The following ADAMTS12 variants were observed in gnomAD, a reference collection of about 807,000 sequenced individuals.
ADAMTS12 encodes ADAM metallopeptidase with thrombospondin type 1 motif 12.
In ADAMTS12, 118 loss-of-function variants were observed where a neutral mutation model predicts 167.8. The ratio of observed to expected loss-of-function variants is 0.70; its 90% confidence interval spans 0.61 to 0.82. The LOEUF is 0.82. Ranked by LOEUF, ADAMTS12 falls within the 40% of genes least tolerant of loss-of-function variation. The pLI is 0.00. For synonymous variants in ADAMTS12, 704 were observed against 716.9 expected (o/e 0.98, Z 0.29); for missense variants, 1,916 against 1,998.8 (o/e 0.96, Z 0.79).
chr5:33,753,494 G>T (rs1745070826), intron 2 of ADAMTS12, among the ~76,000 whole-genome samples: 1 of 152,204 alleles, frequency 6.6e-6, no homozygotes, highest in African/African-American at 2.4e-5. Flanking sequence ...AAGCTCATTT[G>T]TTCTATGGAA....
At chr5:33,679,406 G>A (rs1166201629) in intron 5 of ADAMTS12, among the ~76,000 whole-genome samples, 2 of 152,096 alleles carry the variant, frequency 1.3e-5, no homozygotes, top group Non-Finnish European at 2.9e-5. Context: ...TACAATCATG[G>A]TGGAAGGTGA....
intron 3 of ADAMTS12, among the ~76,000 whole-genome samples, chr5:33,724,613 G>T (rs534743706): frequency 6.6e-6 from 1 of 150,408 alleles, no homozygotes; most frequent in Non-Finnish European, 1.5e-5. Context: ...CTGCAGCGGC[G>T]CTATCTCGGC....
intron 2 of ADAMTS12, among the ~76,000 whole-genome samples, chr5:33,763,820 C>G (rs973429584): frequency 6.6e-6 from 1 of 152,200 alleles, no homozygotes; most frequent in East Asian, 1.9e-4. Context: ...GTTCCAGATG[C>G]AACACTACTG....
chr5:33,769,126 G>A (rs1308262090), intron 2 of ADAMTS12, among the ~76,000 whole-genome samples: 1 of 152,010 alleles, frequency 6.6e-6, no homozygotes, highest in Non-Finnish European at 1.5e-5. Flanking sequence ...GGAAGATGGA[G>A]AAATGGGGCA....
At chr5:33,851,046 T>G (rs1749202289) in intron 2 of ADAMTS12, among the ~76,000 whole-genome samples, 1 of 152,174 alleles carries the variant, frequency 6.6e-6, no homozygotes, top group African/African-American at 2.4e-5. Context: ...CAACTCCAAG[T>G]CCAGTGCTTG....
intron 3 of ADAMTS12, among the ~76,000 whole-genome samples, chr5:33,738,965 T>G (rs1300102325): frequency 6.6e-6 from 1 of 152,232 alleles, no homozygotes; most frequent in African/African-American, 2.4e-5. Context: ...CTGGTGGGGT[T>G]GACATTGACT....
intron 19 of ADAMTS12, among the ~76,000 whole-genome samples, chr5:33,565,671 T>C (rs568787434): frequency 9.3e-6 from 1 of 107,426 alleles, no homozygotes; most frequent in Non-Finnish European, 1.7e-5. Context: ...CAGTTTTTTG[T>C]TTGTTTTTTT....
At chr5:33,835,951 CTCTGTGTGTGTG>C (rs1164481257) in intron 2 of ADAMTS12, among the ~76,000 whole-genome samples, 4 of 37,562 alleles carry the variant, frequency 1.1e-4, no homozygotes, top group African/African-American at 3.5e-4. Flanking sequence ...CTCTCTCTCT[CTCTGTGTGTGTG>C]TGTGTGTCCA....
intron 5 of ADAMTS12, among the ~76,000 whole-genome samples, chr5:33,662,351 G>T (rs1741288623): frequency 6.6e-6 from 1 of 152,172 alleles, no homozygotes; most frequent in Non-Finnish European, 1.5e-5. Context: ...CTATTTGAAG[G>T]TCTATTTCTG....
At chr5:33,733,998 T>TACACACACACACAC (rs147754057) in intron 3 of ADAMTS12, among the ~76,000 whole-genome samples, 1 of 139,380 alleles carries the variant, frequency 7.2e-6, no homozygotes, top group African/African-American at 2.7e-5. Context: ...ACTTCCCCAC[T>TACACACACACACAC]ACACACACAC....
At chr5:33,841,872 T>C (rs753457608) in intron 2 of ADAMTS12, among the ~76,000 whole-genome samples, 52 of 152,194 alleles carry the variant, frequency 3.4e-4, no homozygotes, top group Middle Eastern at 3.2e-3. Flanking sequence ...AGACTCATGC[T>C]TCTCTCCTCA....
intron 16 of ADAMTS12, among the ~76,000 whole-genome samples, chr5:33,597,498 C>T (rs2112038736): frequency 6.6e-6 from 1 of 152,232 alleles, no homozygotes; most frequent in East Asian, 1.9e-4. Context: ...CACTGAGGGG[C>T]TTTCCCTCAG....
intron 2 of ADAMTS12, among the ~76,000 whole-genome samples, chr5:33,865,363 A>G (rs1393430471): frequency 6.6e-6 from 1 of 152,192 alleles, no homozygotes; most frequent in Non-Finnish European, 1.5e-5. Context: ...ATAAAAACAA[A>G]AACCATATGA....
intron 3 of ADAMTS12, among the ~76,000 whole-genome samples, chr5:33,712,269 C>T (rs1743428198): frequency 6.6e-6 from 1 of 152,090 alleles, no homozygotes; most frequent in Non-Finnish European, 1.5e-5. Flanking sequence ...TGTCAATTAA[C>T]AGCCAAGGCA....
At chr5:33,683,122 C>A (rs1175454429) in intron 4 of ADAMTS12, 21 bp from the exon 5 acceptor site, 3 of 1,550,834 alleles carry the variant, frequency 1.9e-6, no homozygotes, top group African/African-American at 1.4e-5. Context: ...AAATAGAAAA[C>A]CATTAGCTCC....
At chr5:33,723,879 T>C (rs1257174881) in intron 3 of ADAMTS12, among the ~76,000 whole-genome samples, 2 of 151,436 alleles carry the variant, frequency 1.3e-5, no homozygotes, top group African/African-American at 2.5e-5. Context: ...GGAGAACACA[T>C]GTTTCAGGTG....
At chr5:33,599,277 AC>A in intron 16 of ADAMTS12, among the ~76,000 whole-genome samples, 1 of 152,162 alleles carries the variant, frequency 6.6e-6, no homozygotes, top group Non-Finnish European at 1.5e-5. Context: ...TGGAAAGAAC[AC>A]TCAATAAATG....
At chr5:33,673,952 G>T (rs1041602185) in intron 5 of ADAMTS12, among the ~76,000 whole-genome samples, 1 of 152,140 alleles carries the variant, frequency 6.6e-6, no homozygotes, top group Non-Finnish European at 1.5e-5. Context: ...GTCTGGTTTA[G>T]CTTCCTGCCA....
chr5:33,583,859 T>G (rs1186576701), intron 18 of ADAMTS12, among the ~76,000 whole-genome samples: 1 of 152,212 alleles, frequency 6.6e-6, no homozygotes. Flanking sequence ...TTGAAGTTAT[T>G]CACTGAGGGT....
Sources: allele counts gnomAD v4.1 joint callset (sites outside exome capture counted in the v4.1 genomes callset), GRCh38; gene constraint gnomAD v4.1.1; transcripts MANE v1.5; gene names NCBI Gene and HGNC (gene_info 2026-07-23, HGNC 2026-07-21).